The following CENPK variants were observed in gnomAD, a reference collection of about 807,000 sequenced individuals.
CENPK encodes centromere protein K, also known as SoxLZ/Sox6-binding protein Solt.
Under a neutral mutation model 40.9 loss-of-function variants are expected in CENPK, and 46 were observed. That is an observed-to-expected ratio of 1.13 (90% CI 0.89 to 1.44). CENPK has a LOEUF of 1.44. Ranked by LOEUF, CENPK falls within the 40% of genes most tolerant of loss-of-function variation. The probability of loss-of-function intolerance (pLI) is 0.00; values close to 1 mark genes in which losing one functional copy is unlikely to be tolerated. For synonymous variants in CENPK, 107 were observed against 104.4 expected, an observed-to-expected ratio of 1.02 and a Z score of -0.15; for missense variants, 288 against 303.5, an observed-to-expected ratio of 0.95 and a Z score of 0.38.
chr5:65,558,532 T>C (rs923382504), intron 2 of CENPK, among the ~76,000 whole-genome samples: 2 of 152,158 alleles, frequency 1.3e-5, no homozygotes, highest in Non-Finnish European at 2.9e-5. Flanking sequence ...GGTTATCAGC[T>C]ATGAAAGGAT....
At chr5:65,508,234 G>C in the CENPK span, among the ~76,000 whole-genome samples, 1 of 152,154 alleles carries the variant, frequency 6.6e-6, no homozygotes, top group African/African-American at 2.4e-5. Context: ...GCACACTTCA[G>C]AAGACGCTAA....
At chr5:65,510,076 C>A in the CENPK span, among the ~76,000 whole-genome samples, 657 of 152,202 alleles carry the variant, frequency 4.3e-3, 5 homozygotes, top group African/African-American at 0.015. Flanking sequence ...CCTACAACGA[C>A]CTCTAAGTGT....
downstream of CENPK, among the ~76,000 whole-genome samples, chr5:65,513,751 A>T (rs973761303): frequency 2.6e-5 from 4 of 152,230 alleles, no homozygotes; most frequent in East Asian, 7.7e-4. Context: ...CCAGTGCAAC[A>T]TTAAATAGGA....
chr5:65,537,876 T>C (rs1324862482), intron 6 of CENPK, among the ~76,000 whole-genome samples: 1 of 152,240 alleles, frequency 6.6e-6, no homozygotes, highest in Non-Finnish European at 1.5e-5. Context: ...GCTATGAACA[T>C]TCATGTGTAA....
At chr5:65,524,798 C>T (rs1209912834) in intron 9 of CENPK, 1 of 153,010 alleles carries the variant, frequency 6.5e-6, no homozygotes, top group Non-Finnish European at 1.5e-5. Context: ...AAAATATAAC[C>T]TGCCAAAGTA....
At chr5:65,539,496 A>G (rs1294936706) in intron 6 of CENPK, among the ~76,000 whole-genome samples, 1 of 152,234 alleles carries the variant, frequency 6.6e-6, no homozygotes, top group Non-Finnish European at 1.5e-5. Context: ...TTAACTCCCA[A>G]CACAATAGGG....
At chr5:65,514,230 C>T (rs3940661), downstream of CENPK, among the ~76,000 whole-genome samples, 121 of 62,700 alleles carry the variant, frequency 1.9e-3, 2 homozygotes, top group South Asian at 3.2e-3. Context: ...CTCACATAAT[C>T]TTTTTTTTTT....
chr5:65,563,131 C>T lies in CENPK; in HGVS notation c.-175G>A. On this transcript the variant is annotated 5_prime_UTR_variant, in exon 1 of 11. Transcript: ENST00000396679. ...CGTCACAAACTCCAGGTCGCCTAGG[C>T]GCTGCGCAGGAAGCGCTTGCCAGCC... The T allele has an allele frequency of 1.1e-5, 8 of 740,956 alleles. No homozygotes were observed. The highest frequency in any genetic ancestry group is 1.8e-5 in the African/African-American group (1 of 56,228). The allele number at this position is 740,956 out of a possible 1,614,324, so 45.9% of individuals were successfully genotyped here.
intron 5 of CENPK, among the ~76,000 whole-genome samples, chr5:65,546,798 C>T (rs942876857): frequency 1.3e-5 from 2 of 152,150 alleles, no homozygotes; most frequent in African/African-American, 4.8e-5. Flanking sequence ...AAGAAACCAA[C>T]GTTATTGACA....
At chr5:65,551,876 A>T (rs1457298118) in intron 4 of CENPK, among the ~76,000 whole-genome samples, 1 of 152,102 alleles carries the variant, frequency 6.6e-6, no homozygotes, top group Non-Finnish European at 1.5e-5. Context: ...TTTTAGGCCA[A>T]GAGTAAAATC....
chr5:65,550,617 T>C (rs1165009250), intron 5 of CENPK: 3 of 152,240 alleles, frequency 2.0e-5, no homozygotes, highest in Non-Finnish European at 2.9e-5. Context: ...TCTAAAATAC[T>C]GTGAGATTAC....
At chr5:65,512,843 G>A (rs773247443), downstream of CENPK, among the ~76,000 whole-genome samples, 6 of 152,130 alleles carry the variant, frequency 3.9e-5, no homozygotes, top group Non-Finnish European at 7.4e-5. Context: ...ATCCTCATCA[G>A]CCTTTGGTAT....
intron 5 of CENPK, among the ~76,000 whole-genome samples, chr5:65,545,783 G>GA (rs1384872926): frequency 6.6e-6 from 1 of 152,142 alleles, no homozygotes; most frequent in African/African-American, 2.4e-5. Flanking sequence ...CCTTTGAGGA[G>GA]AATCTATCAT....
At chr5:65,499,580 T>C in the CENPK span, among the ~76,000 whole-genome samples, 18 of 152,060 alleles carry the variant, frequency 1.2e-4, no homozygotes, top group South Asian at 1.9e-3. Context: ...ATTTGGGAAA[T>C]ATTCAGCCAC....
intron 6 of CENPK, among the ~76,000 whole-genome samples, chr5:65,542,494 G>A (rs1157614189): frequency 3.3e-5 from 5 of 151,948 alleles, no homozygotes; most frequent in African/African-American, 7.3e-5. Context: ...AAAATTAGCC[G>A]GGCATGGTGG....
the CENPK span, among the ~76,000 whole-genome samples, chr5:65,511,739 T>G: frequency 3.0e-4 from 46 of 152,282 alleles, no homozygotes; most frequent in Non-Finnish European, 5.6e-4. Flanking sequence ...GGATCTAGGT[T>G]GCATGCTCCT....
chr5:65,509,190 T>C, the CENPK span, among the ~76,000 whole-genome samples: 1 of 152,196 alleles, frequency 6.6e-6, no homozygotes, highest in Non-Finnish European at 1.5e-5. Context: ...TGGGTTTTGC[T>C]TTGTGAGTCA....
intron 9 of CENPK, among the ~76,000 whole-genome samples, chr5:65,526,328 G>A (rs1357150344): frequency 6.6e-6 from 1 of 152,114 alleles, no homozygotes; most frequent in Non-Finnish European, 1.5e-5. Context: ...CCAACAGGAG[G>A]CTGTCATACT....
At chr5:65,531,851 C>T (rs568161097) in intron 6 of CENPK, among the ~76,000 whole-genome samples, 2 of 152,114 alleles carry the variant, frequency 1.3e-5, no homozygotes, top group South Asian at 4.1e-4. Flanking sequence ...ATAACCTCAG[C>T]TTCTATCATA....
Sources: gnomAD v4.1 joint callset for allele counts (sites outside exome capture counted in the v4.1 genomes callset) on GRCh38, gnomAD v4.1.1 for gene constraint, MANE v1.5 for transcripts, NCBI Gene and HGNC (gene_info 2026-07-23, HGNC 2026-07-21) for gene names.